The following LYST variants were observed in gnomAD, a reference collection of about 807,000 sequenced individuals.
The protein encoded by LYST is lysosomal-trafficking regulator.
LYST carries 192 observed loss-of-function variants against 413.6 expected under a neutral mutation model. The ratio of observed to expected loss-of-function variants is 0.46; its 90% CI spans 0.41 to 0.52. The LOEUF (loss-of-function observed/expected upper bound fraction) is 0.52. LYST is among the 20% of genes least tolerant of loss of function. LYST has a pLI of 0.00. For missense variants in LYST, 3,815 were observed against 4,499.9 expected (o/e 0.85, Z 4.35); for synonymous variants, 1,525 against 1,567.3 (o/e 0.97, Z 0.64).
At position 235,791,466 on chromosome 1, in the gene LYST, T is replaced by C. The variant is rs1670982204; in HGVS notation, c.4543+233A>G. On this transcript the variant is annotated intron_variant, in intron 12 of 52. Transcript: ENST00000389793. ...GGGCTGATGACCCCAGAAAAAGTTGTATATGTGGTGTCCCCTTCACCCCTA... is the reference window on the plus strand; with the variant it reads ...GGGCTGATGACCCCAGAAAAAGTTGCATATGTGGTGTCCCCTTCACCCCTA... The C allele has an allele frequency of 6.2e-6, 3 of 484,774 alleles. No individual in the cohort carries two copies. In the Admixed American group the frequency reaches 1.0e-4, roughly 16 times the overall value. 30.0% of individuals were successfully genotyped at this position (484,774 alleles called of 1,614,324 possible).
At chr1:235,846,237 G>A (rs575032804) in intron 1 of LYST, among the ~76,000 whole-genome samples, 1 of 152,136 alleles carries the variant, frequency 6.6e-6, no homozygotes. Flanking sequence ...TGGAGCCAGG[G>A]AGACTCGCTG....
chr1:235,874,380 A>G (rs1010488059), intron 1 of LYST, among the ~76,000 whole-genome samples: 16 of 152,342 alleles, frequency 1.1e-4, no homozygotes, highest in African/African-American at 3.8e-4. Flanking sequence ...ACAAGCAACT[A>G]TAGTCGAGGG....
intron 40 of LYST, among the ~76,000 whole-genome samples, chr1:235,717,549 G>T (rs1309773467): frequency 6.6e-6 from 1 of 152,112 alleles, no homozygotes; most frequent in African/African-American, 2.4e-5. Context: ...AAGCTCTGAT[G>T]AAGAAGGGCA....
chr1:235,701,804 T>C (rs536493749), intron 45 of LYST, among the ~76,000 whole-genome samples: 2 of 152,356 alleles, frequency 1.3e-5, no homozygotes, highest in East Asian at 3.9e-4. Context: ...CTGTCTACCA[T>C]ATTAATGCTT....
chr1:235,748,917 C>T (rs995772049), intron 28 of LYST, among the ~76,000 whole-genome samples: 1 of 152,138 alleles, frequency 6.6e-6, no homozygotes, highest in African/African-American at 2.4e-5. Context: ...CCCACAACTC[C>T]TGCTGAAGGT....
At chr1:235,831,837 C>T (rs993309542) in intron 2 of LYST, among the ~76,000 whole-genome samples, 1 of 151,938 alleles carries the variant, frequency 6.6e-6, no homozygotes. Flanking sequence ...ATCCAATAAC[C>T]TAATTTATAT....
intron 1 of LYST, among the ~76,000 whole-genome samples, chr1:235,881,241 C>T (rs1483025489): frequency 1.3e-5 from 2 of 152,196 alleles, no homozygotes; most frequent in Admixed American, 6.5e-5. Flanking sequence ...CACACTGTCA[C>T]GTTTCAACAG....
At chr1:235,801,700 A>T (rs192605076) in intron 8 of LYST, among the ~76,000 whole-genome samples, 144 of 152,378 alleles carry the variant, frequency 9.5e-4, no homozygotes, top group African/African-American at 3.3e-3. Context: ...AACATAAAAA[A>T]GGAGGAAATC....
intron 45 of LYST, 112 bp downstream of exon 45, chr1:235,702,635 C>G (rs1174693472): frequency 1.1e-6 from 1 of 892,112 alleles, no homozygotes. Flanking sequence ...CTTGCACTGA[C>G]TGGCACACAG....
Position 235,759,151 on chromosome 1 carries a change from G to A in LYST, c.6702C>T (p.Ala2234=). 1 of 1,614,152 alleles carries A rather than the reference G, an allele frequency of 6.2e-7. No homozygotes were observed. The highest frequency in any genetic ancestry group is 8.5e-7 in the Non-Finnish European group (1 of 1,180,000). The part of the protein sequence containing the change: ...PRRPDYLKGL[A]SFQRSHSTIA... ...TAGTGCTGTGGCTTCGCTGGAAGGA[G>A]GCCAATCCCTTTAGGTAATCAGGTC... The change falls in exon 23 of 53, where the codon GCC becomes GCT. Residue 2234 remains alanine (A), a synonymous_variant. Coordinates refer to ENST00000389793, the MANE Select transcript of LYST (RefSeq NM_000081.4).
rs1250919033 is a variant in LYST, at chr1:235,781,984, C to T, written c.4966G>A (p.Glu1656Lys). 3.1e-6 allele frequency: 5 copies of T among 1,613,944 alleles called. No homozygotes were observed. The South Asian group carries it at 5.5e-5, about 18-fold the overall frequency. Residue 1656 changes from glutamate to lysine, a missense_variant, in exon 15 of 53, where the codon GAA (glutamate) becomes AAA (lysine). Physicochemically the swap from Glu to Lys is moderately conservative, Grantham distance 56. Around this residue, in one of 4 missense-constraint regions of LYST, gnomAD observed 530 missense variants for 696.5 expected, o/e 0.76. Coordinates refer to ENST00000389793, the MANE Select transcript of LYST (RefSeq NM_000081.4). Reference sequence around the variant, plus strand: ...TTTCCAGCCAACTGCAAAAACTCTTCTTGGGATGATAAACAATGGCCAATC... The same window carrying T: ...TTTCCAGCCAACTGCAAAAACTCTTTTTGGGATGATAAACAATGGCCAATC... ...CMIGHCLSSQ[E>K]EFLQLAGKWD...
At chr1:235,827,719 A>G (rs1675490883) in intron 3 of LYST, 1 of 976,494 alleles carries the variant, frequency 1.0e-6, no homozygotes, top group African/African-American at 1.7e-5. Context: ...AAAAGTGACT[A>G]GGTGGAAAGA....
intron 43 of LYST, among the ~76,000 whole-genome samples, chr1:235,710,036 A>T (rs186104199): frequency 2.6e-5 from 4 of 152,316 alleles, no homozygotes; most frequent in African/African-American, 9.6e-5. Context: ...TTTAAACAGA[A>T]ATGGCTTTTT....
Position 235,662,680 on chromosome 1 carries a change from T to G in LYST, c.*260A>C, listed in dbSNP as rs1214627545. ...GGGAAAAAATTTTAAGAATATCATTTTAATGTACCATGCGAGGCTTAAAAC... is the reference window on the plus strand; with the variant it reads ...GGGAAAAAATTTTAAGAATATCATTGTAATGTACCATGCGAGGCTTAAAAC... On this transcript the variant is annotated 3_prime_UTR_variant, in exon 53 of 53. Transcript: ENST00000389793. 6.1e-6 allele frequency: 3 copies of G among 487,854 alleles called. No individual in the cohort carries two copies. The highest frequency in any genetic ancestry group is 5.8e-5 in the African/African-American group (3 of 51,396). The allele number at this position is 487,854 out of a possible 1,614,324, so 30.2% of individuals were successfully genotyped here.
intron 10 of LYST, among the ~76,000 whole-genome samples, chr1:235,793,877 G>A (rs1375366213): frequency 1.3e-5 from 2 of 151,974 alleles, no homozygotes; most frequent in Non-Finnish European, 2.9e-5. Context: ...CTGTCACCCA[G>A]GCTGGAGTGC....
At chr1:235,698,009 C>G (rs115476750) in intron 45 of LYST, among the ~76,000 whole-genome samples, 3,558 of 152,228 alleles carry the variant, frequency 0.023, 160 homozygotes, top group African/African-American at 0.081. Context: ...CAAGCAAAAA[C>G]AGTTATTAAA....
chr1:235,830,442 CA>C lies in LYST; in HGVS notation c.-7-19del, dbSNP rs766869010. The C allele has an allele frequency of 4.8e-3, 6,324 of 1,311,604 alleles. No homozygotes were observed. The highest frequency in any genetic ancestry group is 6.1e-3 in the Admixed American group (276 of 45,020). The allele number at this position is 1,311,604 out of a possible 1,614,324, so 81.2% of individuals were successfully genotyped here. A position where few individuals can be genotyped will look rare whatever the true frequency, so the allele number is the denominator to read the frequency against. ...TGACCGAGCTATAAAATAAGTATTA[CA>C]AAAAAAAAAGATTAGGAAAACAAAT... On this transcript the variant is annotated intron_variant, in intron 2 of 52. Transcript: ENST00000389793.
Position 235,809,566 on chromosome 1 carries a change from T to G in LYST, c.1252A>C (p.Ser418Arg). Residue 418 changes from serine to arginine, a missense_variant, in exon 5 of 53, where the codon AGT becomes CGT. Around this residue, in one of 4 missense-constraint regions of LYST, gnomAD observed 1,648 missense variants for 1,810.3 expected, o/e 0.91. Transcript: ENST00000389793. This position sits in a 1 kb window ranked among gnomAD's most constrained non-coding sequence, Gnocchi z 4.0. Reference sequence around the variant, plus strand: ...AAGTAGAAGGGATTTGAAGCTGCACTTTGAAGACAACAGATCAGAATCTGA... The same window carrying G: ...AAGTAGAAGGGATTTGAAGCTGCACGTTGAAGACAACAGATCAGAATCTGA... ...VLQILICCLQ[S>R]AASNPFYFSQ... 7 of 1,614,000 alleles carry G rather than the reference T, an allele frequency of 4.3e-6. No individual in the cohort carries two copies. The highest frequency in any genetic ancestry group is 5.9e-6 in the Non-Finnish European group (7 of 1,179,970).
At chr1:235,782,180 CTTTT>C (rs552690643) in intron 14 of LYST, 93 bp from the exon 15 acceptor site, 321 of 819,654 alleles carry the variant, frequency 3.9e-4, no homozygotes, top group Non-Finnish European at 4.5e-4. Flanking sequence ...ATGGGGAATT[CTTTT>C]TTTTTTTTTT....
Sources: gnomAD v4.1 joint callset for allele counts (sites outside exome capture counted in the v4.1 genomes callset) on GRCh38, gnomAD v4.1.1 for gene constraint, gnomAD v4.1.1 regional missense constraint, Gnocchi (gnomAD v3.1) non-coding constraint, MANE v1.5 for transcripts, NCBI Gene and HGNC (gene_info 2026-07-23, HGNC 2026-07-21) for gene names.